Variants in RFC3 observed in about 807,000 individuals in gnomAD.
RFC3 encodes A1 38 kDa subunit.
In RFC3, 41 loss-of-function variants were observed where a neutral mutation model predicts 45.1. That is an observed-to-expected ratio of 0.91 (90% CI 0.71 to 1.18). The LOEUF (loss-of-function observed/expected upper bound fraction) is 1.18. RFC3 is among the 50% of genes most tolerant of loss of function. RFC3 has a pLI of 0.00. For missense variants in RFC3, 423 were observed against 428.1 expected (o/e 0.99, Z 0.10); for synonymous variants, 149 against 144.0 (o/e 1.03, Z -0.25).
At chr13:33,865,564 ATAAT>A (rs1326108176) in intron 8 of RFC3, among the ~76,000 whole-genome samples, 1 of 152,250 alleles carries the variant, frequency 6.6e-6, no homozygotes, top group African/African-American at 2.4e-5. Flanking sequence ...AGGGAAAAGC[ATAAT>A]TATAGACCAA....
chr13:33,884,315 TGTC>T (rs2137608158), intron 8 of RFC3, among the ~76,000 whole-genome samples: 1 of 152,330 alleles, frequency 6.6e-6, no homozygotes, highest in Admixed American at 6.5e-5. Context: ...TATATTCACT[TGTC>T]TAATAGCTAA....
rs954204526 is a variant in RFC3 at position 33,836,567 on chromosome 13, T to C, written c.*272T>C. The C allele has an allele frequency of 1.8e-6, 2 of 1,128,630 alleles. No individual in the cohort carries two copies. Among genetic ancestry groups the C allele is most frequent in the African/African-American group, 3.2e-5 (2 of 63,106 alleles). 69.9% of individuals were successfully genotyped at this position (1,128,630 alleles called of 1,614,324 possible). Reference sequence around the variant, plus strand: ...GCATTGGTTATTCAAGTATTCATTGTTGATCCTCCTATTCTCTTCCGTCTA... The same window carrying C: ...GCATTGGTTATTCAAGTATTCATTGCTGATCCTCCTATTCTCTTCCGTCTA... On this transcript the variant is annotated 3_prime_UTR_variant, in exon 9 of 9. Transcript: ENST00000380071.
chr13:33,896,190 A>T (rs1224388378), intron 8 of RFC3, among the ~76,000 whole-genome samples: 1 of 151,134 alleles, frequency 6.6e-6, no homozygotes, highest in East Asian at 1.9e-4. Flanking sequence ...TATATATATA[A>T]TTTTAAAAAA....
At chr13:33,861,022 C>G (rs959901706) in intron 8 of RFC3, among the ~76,000 whole-genome samples, 1 of 152,100 alleles carries the variant, frequency 6.6e-6, no homozygotes, top group Non-Finnish European at 1.5e-5. Flanking sequence ...CCTCAGCCTC[C>G]TGAGTAGCTG....
chr13:33,890,082 A>G (rs2082554053), intron 8 of RFC3, among the ~76,000 whole-genome samples: 1 of 151,828 alleles, frequency 6.6e-6, no homozygotes, highest in Admixed American at 6.6e-5. Flanking sequence ...GGAGATAATG[A>G]CTCTTTATGA....
At chr13:33,857,263 A>G (rs140340354) in intron 8 of RFC3, among the ~76,000 whole-genome samples, 2 of 152,220 alleles carry the variant, frequency 1.3e-5, no homozygotes, top group South Asian at 2.1e-4. Flanking sequence ...GACATGCTAC[A>G]TTAGACAGTA....
chr13:33,846,829 C>T (rs566052769), intron 8 of RFC3: 11 of 152,368 alleles, frequency 7.2e-5, no homozygotes, highest in African/African-American at 2.2e-4. Context: ...GGTCTAAATA[C>T]TCTCTCTGTG....
chr13:33,829,689 C>T (rs1367065796), intron 4 of RFC3, 147 bp from the exon 5 acceptor site: 2 of 672,942 alleles, frequency 3.0e-6, no homozygotes, highest in African/African-American at 3.7e-5. Flanking sequence ...TTTTACCATA[C>T]TTATAACTTT....
At chr13:33,864,153 T>G (rs1566007263) in intron 8 of RFC3, among the ~76,000 whole-genome samples, 1 of 151,982 alleles carries the variant, frequency 6.6e-6, no homozygotes, top group Non-Finnish European at 1.5e-5. Flanking sequence ...CAGGCTCCTT[T>G]AAACAAACAG....
intron 8 of RFC3, among the ~76,000 whole-genome samples, chr13:33,873,446 G>A (rs550933019): frequency 9.3e-4 from 142 of 152,260 alleles, no homozygotes; most frequent in African/African-American, 3.2e-3. Context: ...CTTCACTGTG[G>A]CTTATTATTA....
chr13:33,911,517 G>A lies in RFC3; in HGVS notation c.880-54570G>A, dbSNP rs960782589. Among the ~76,000 whole-genome samples, 6 of 152,188 alleles carry A rather than the reference G, an allele frequency of 3.9e-5. 1 individual carries two copies. The highest frequency in any genetic ancestry group is 2.6e-4 in the Admixed American group (4 of 15,266). Reference sequence around the variant, plus strand: ...GAGGCTGAGTAATTTATAAAAAAAAGAGGTGTATTTAGCTTACAGTTCTGC... The same window carrying A: ...GAGGCTGAGTAATTTATAAAAAAAAAAGGTGTATTTAGCTTACAGTTCTGC... On this transcript the variant is annotated intron_variant, in intron 8 of 8. Coordinates refer to the RFC3 transcript ENST00000434425.
intron 8 of RFC3, among the ~76,000 whole-genome samples, chr13:33,924,449 C>T (rs1209169288): frequency 2.6e-5 from 4 of 151,676 alleles, no homozygotes; most frequent in Admixed American, 6.6e-5. Context: ...ATTTACTTAC[C>T]GCTATTATAG....
chr13:33,860,486 C>T (rs1029278209), intron 8 of RFC3, among the ~76,000 whole-genome samples: 4 of 152,180 alleles, frequency 2.6e-5, no homozygotes, highest in Admixed American at 2.6e-4. Context: ...AGGAGGCATT[C>T]CCAGTTGCCT....
chr13:33,917,480 G>A (rs1306834180), intron 8 of RFC3, among the ~76,000 whole-genome samples: 1 of 152,088 alleles, frequency 6.6e-6, no homozygotes, highest in Non-Finnish European at 1.5e-5. Context: ...GATCTAAAGA[G>A]CCCTCCTGTT....
intron 8 of RFC3, among the ~76,000 whole-genome samples, chr13:33,958,484 A>G (rs999495441): frequency 9.2e-5 from 14 of 152,244 alleles, no homozygotes; most frequent in African/African-American, 2.9e-4. Flanking sequence ...CACAACTGAC[A>G]TGTTTGTACC....
chr13:33,961,533 G>A (rs2083057093), intron 8 of RFC3, among the ~76,000 whole-genome samples: 1 of 152,176 alleles, frequency 6.6e-6, no homozygotes, highest in African/African-American at 2.4e-5. Flanking sequence ...ATTGTTGTTT[G>A]ATGAATCAAA....
At chr13:33,965,400 C>T (rs987236339) in intron 8 of RFC3, among the ~76,000 whole-genome samples, 6 of 152,156 alleles carry the variant, frequency 3.9e-5, no homozygotes, top group Admixed American at 6.5e-5. Flanking sequence ...CAGTAACATA[C>T]TGTACAGGTT....
intron 8 of RFC3, among the ~76,000 whole-genome samples, chr13:33,953,251 C>T (rs186168010): frequency 1.7e-3 from 253 of 147,716 alleles, no homozygotes; most frequent in African/African-American, 5.7e-3. Context: ...GAATTATTAG[C>T]GGTCTAGATC....
intron 8 of RFC3, among the ~76,000 whole-genome samples, chr13:33,938,669 C>T (rs1321999724): frequency 6.6e-6 from 1 of 152,230 alleles, no homozygotes; most frequent in East Asian, 1.9e-4. Context: ...GAATATATCA[C>T]AATTCACTAC....
Sources: gnomAD v4.1 joint callset for allele counts (sites outside exome capture counted in the v4.1 genomes callset) on GRCh38, gnomAD v4.1.1 for gene constraint, MANE v1.5 for transcripts, NCBI Gene and HGNC (gene_info 2026-07-23, HGNC 2026-07-21) for gene names.